Variants in KCNK10 observed in about 807,000 individuals in gnomAD.
The protein encoded by KCNK10 is potassium two pore domain channel subfamily K member 10.
Under a neutral mutation model 47.7 loss-of-function variants are expected in KCNK10, and 25 were observed. The ratio of observed to expected loss-of-function variants is 0.52; its 90% CI spans 0.38 to 0.73. The LOEUF (loss-of-function observed/expected upper bound fraction) is 0.73. Ranked by LOEUF, KCNK10 falls within the 30% of genes least tolerant of loss-of-function variation. The probability of loss-of-function intolerance (pLI) is 0.00; values close to 1 mark genes in which losing one functional copy is unlikely to be tolerated. For missense variants in KCNK10, 563 were observed against 714.5 expected (o/e 0.79, Z 2.42); for synonymous variants, 303 against 285.6 (o/e 1.06, Z -0.61).
At chr14:88,293,165 C>T (rs1003769071) in intron 1 of KCNK10, among the ~76,000 whole-genome samples, 6 of 152,020 alleles carry the variant, frequency 3.9e-5, no homozygotes, top group South Asian at 4.2e-4. Flanking sequence ...CAAGAAGGCC[C>T]GCCAATTTAA....
At chr14:88,271,485 G>T (rs56230807) in intron 1 of KCNK10, among the ~76,000 whole-genome samples, 2 of 152,062 alleles carry the variant, frequency 1.3e-5, no homozygotes, top group East Asian at 3.9e-4. Flanking sequence ...TTGTACAAGC[G>T]CTAGAGTGGA....
intron 1 of KCNK10, among the ~76,000 whole-genome samples, chr14:88,287,278 A>C (rs1184671918): frequency 6.6e-6 from 1 of 152,202 alleles, no homozygotes; most frequent in Non-Finnish European, 1.5e-5. Flanking sequence ...CCCAACATGG[A>C]TGCTACCATC....
intron 2 of KCNK10, among the ~76,000 whole-genome samples, chr14:88,246,640 C>G (rs1481251294): frequency 6.6e-6 from 1 of 152,168 alleles, no homozygotes; most frequent in East Asian, 1.9e-4. Flanking sequence ...TTTCTGGGGC[C>G]ACACCCAGTG....
chr14:88,250,702 C>T (rs1294623379), intron 2 of KCNK10, among the ~76,000 whole-genome samples: 2 of 152,174 alleles, frequency 1.3e-5, no homozygotes, highest in African/African-American at 4.8e-5. Flanking sequence ...CCAAGGGAAT[C>T]TGCTCATGCA....
chr14:88,266,298 C>G (rs2139757641), intron 1 of KCNK10, among the ~76,000 whole-genome samples: 1 of 152,348 alleles, frequency 6.6e-6, no homozygotes, highest in African/African-American at 2.4e-5. Context: ...GGTCCTCAAA[C>G]ACAGCAGTGC....
At chr14:88,277,722 A>G (rs953533338) in intron 1 of KCNK10, among the ~76,000 whole-genome samples, 4 of 152,196 alleles carry the variant, frequency 2.6e-5, no homozygotes, top group African/African-American at 9.7e-5. Context: ...AATGTGGCCG[A>G]AGGAAGGCAA....
intron 4 of KCNK10, among the ~76,000 whole-genome samples, chr14:88,223,308 CTTT>C (rs77234836): frequency 1.1e-4 from 15 of 135,008 alleles, no homozygotes; most frequent in Admixed American, 1.5e-4. Context: ...CTTTAAAAAC[CTTT>C]TTTTTTTTTT....
chr14:88,202,737 C>T (rs1482595960), intron 4 of KCNK10, among the ~76,000 whole-genome samples: 1 of 145,356 alleles, frequency 6.9e-6, no homozygotes, highest in East Asian at 2.1e-4. Context: ...GCCACTCAGC[C>T]TGGAGCAAAA....
chr14:88,265,468 A>C (rs1340564028), intron 1 of KCNK10, among the ~76,000 whole-genome samples: 1 of 152,186 alleles, frequency 6.6e-6, no homozygotes, highest in Non-Finnish European at 1.5e-5. Flanking sequence ...CTCCCGAAGG[A>C]ACCTGTACTG....
At chr14:88,313,284 G>A (rs77975868) in intron 1 of KCNK10, among the ~76,000 whole-genome samples, 9,752 of 152,172 alleles carry the variant, frequency 0.064, 393 homozygotes, top group African/African-American at 0.12. Flanking sequence ...AAATTCTTAC[G>A]GTGATTTTTC....
chr14:88,250,322 G>A (rs1013360165), intron 2 of KCNK10, among the ~76,000 whole-genome samples: 2 of 152,200 alleles, frequency 1.3e-5, no homozygotes, highest in African/African-American at 4.8e-5. Flanking sequence ...GCCTGATCTT[G>A]CACACATTGA....
In KCNK10 at chr14:88,321,871, G is replaced by T. The variant is rs116182827; in HGVS notation, c.52+876C>A. On this transcript the variant is annotated intron_variant, in intron 1 of 6. Coordinates refer to ENST00000319231, the MANE Select transcript of KCNK10 (RefSeq NM_138317.3). ...CAGATGAGCTACAAGAAATGCTAAAGAGCATTCTTGTCACAACTGGACACG... is the reference window on the plus strand; with the variant it reads ...CAGATGAGCTACAAGAAATGCTAAATAGCATTCTTGTCACAACTGGACACG... 5.5e-3 allele frequency among the ~76,000 whole-genome samples: 836 copies of T among 152,308 alleles called. 10 individuals carry two copies. The highest frequency in any genetic ancestry group is 0.019 in the African/African-American group (784 of 41,572).
At chr14:88,240,877 T>TC (rs1886441049) in intron 2 of KCNK10, 57 bp from the exon 3 acceptor site, 7 of 1,092,724 alleles carry the variant, frequency 6.4e-6, no homozygotes, top group Non-Finnish European at 9.4e-6. Context: ...ATTTTTTTTT[T>TC]CTTCAAAAAA....
chr14:88,240,756 T>C lies in KCNK10; in HGVS notation c.467A>G (p.His156Arg). 1 of 1,613,876 alleles carries C rather than the reference T, an allele frequency of 6.2e-7. No homozygotes were observed. The highest frequency in any genetic ancestry group is 8.5e-7 in the Non-Finnish European group (1 of 1,179,826). Residue 156 changes from histidine to arginine, a missense_variant, in exon 3 of 7, where the codon CAC (histidine) becomes CGC (arginine). Transcript: ENST00000319231. ...GAAAAAGGCACTGCCGAGGTCCCAG[T>C]GGCTGCTGTTGTTGGAAGAGTTTCC... The part of the protein sequence containing the change: ...PIGNSSNNSS[H>R]WDLGSAFFFA...
At chr14:88,264,224 G>A (rs1187631901) in intron 1 of KCNK10, among the ~76,000 whole-genome samples, 1 of 152,102 alleles carries the variant, frequency 6.6e-6, no homozygotes, top group Non-Finnish European at 1.5e-5. Context: ...ATTCTCTAAG[G>A]TCCCTGTTCT....
upstream of KCNK10, among the ~76,000 whole-genome samples, chr14:88,326,239 C>T (rs1888660634): frequency 6.8e-6 from 1 of 147,122 alleles, no homozygotes. Context: ...TACCGTTTCC[C>T]AAAACGTGTC....
intron 2 of KCNK10, among the ~76,000 whole-genome samples, chr14:88,245,644 G>C (rs1886615179): frequency 6.6e-6 from 1 of 150,386 alleles, no homozygotes; most frequent in Non-Finnish European, 1.5e-5. Flanking sequence ...CACTCGGTGA[G>C]ATCATCTGTT....
intron 1 of KCNK10, among the ~76,000 whole-genome samples, chr14:88,317,603 T>C (rs1331883549): frequency 3.3e-5 from 5 of 152,236 alleles, no homozygotes; most frequent in Non-Finnish European, 7.3e-5. Context: ...GAAACTGTCA[T>C]GGACGTAAGC....
Position 88,223,264 on chromosome 14 carries a change from G to T in KCNK10, c.681+4111C>A, listed in dbSNP as rs151115727. Among the ~76,000 whole-genome samples, 909 of 151,100 alleles carry T rather than the reference G, an allele frequency of 6.0e-3. 34 individuals are homozygous for T. Among genetic ancestry groups the T allele is most frequent in the Admixed American group, 0.044 (669 of 15,178 alleles). ...TGATCCTTGTATTCAAGGATAATTAGCTCAAAACAATTATGTAATCCTGTT... is the reference window on the plus strand; with the variant it reads ...TGATCCTTGTATTCAAGGATAATTATCTCAAAACAATTATGTAATCCTGTT... On this transcript the variant is annotated intron_variant, in intron 4 of 6. Transcript: ENST00000319231.
Sources: gnomAD v4.1 joint callset for allele counts (sites outside exome capture counted in the v4.1 genomes callset) on GRCh38, gnomAD v4.1.1 for gene constraint, MANE v1.5 for transcripts, NCBI Gene and HGNC (gene_info 2026-07-23, HGNC 2026-07-21) for gene names.